The following IRX6 variants were observed in gnomAD, a reference collection of about 807,000 sequenced individuals.
IRX6 encodes iroquois homeobox 6.
IRX6 carries 46 observed loss-of-function variants against 47.7 expected under a neutral mutation model. The ratio of observed to expected loss-of-function variants is 0.96; its 90% CI spans 0.76 to 1.23. The LOEUF is 1.23. Ranked by LOEUF, IRX6 falls within the 50% of genes most tolerant of loss-of-function variation. The pLI, the probability that IRX6 is intolerant of heterozygous loss-of-function variation, is 0.00. For synonymous variants in IRX6, 265 were observed against 246.2 expected, an observed-to-expected ratio of 1.08 and a Z score of -0.72; for missense variants, 722 against 588.0, an observed-to-expected ratio of 1.23 and a Z score of -2.36.
At position 55,325,076 on chromosome 16, in the gene IRX6, G is replaced by C. The variant is rs1300590668; in HGVS notation, c.-16G>C. On this transcript the variant is annotated 5_prime_UTR_variant, in exon 1 of 6. Coordinates refer to ENST00000290552, the MANE Select transcript of IRX6 (RefSeq NM_024335.3). Reference sequence around the variant, plus strand: ...AACTCGACAGGGAAGAGAGAGACGGGCCAGGGACAGCCACCATGTCCTTCC... The same window carrying C: ...AACTCGACAGGGAAGAGAGAGACGGCCCAGGGACAGCCACCATGTCCTTCC... 6.2e-7 allele frequency: 1 copy of C among 1,613,954 alleles called. No homozygotes were observed. Among genetic ancestry groups the C allele is most frequent in the East Asian group, 2.2e-5 (1 of 44,824 alleles).
Position 55,325,090 on chromosome 16 carries a change from C to G in IRX6, c.-2C>G. The G allele has an allele frequency of 6.2e-7, 1 of 1,614,020 alleles. No homozygotes were observed. The highest frequency in any genetic ancestry group is 8.5e-7 in the Non-Finnish European group (1 of 1,179,994). On this transcript the variant is annotated 5_prime_UTR_variant, in exon 1 of 6. Coordinates refer to ENST00000290552, the MANE Select transcript of IRX6 (RefSeq NM_024335.3). The stretch of plus-strand genomic sequence containing the variant: ...GAGAGAGACGGGCCAGGGACAGCCA[C>G]CATGTCCTTCCCACACTTTGGACAC...
Position 55,328,844 on chromosome 16 carries a change from C to T in IRX6, c.866C>T (p.Ala289Val), listed in dbSNP as rs759043443. The stretch of plus-strand genomic sequence containing the variant: ...AGGCTGACGGAGTTCCGAAAGGGCG[C>T]GCAGTCACTGCCTGGGCCGTGCGCT... The part of the protein sequence containing the change: ...GDRLTEFRKG[A>V]QSLPGPCAAA... Residue 289 changes from alanine to valine, a missense_variant, in exon 5 of 6, where the codon GCG (alanine) becomes GTG (valine). Coordinates refer to ENST00000290552, the MANE Select transcript of IRX6 (RefSeq NM_024335.3). 5.0e-6 allele frequency: 8 copies of T among 1,612,768 alleles called. No individual in the cohort carries two copies. In the African/African-American group the frequency reaches 8.0e-5, roughly 16 times the overall value.
chr16:55,325,239 GC>G, intron 1 of IRX6, 103 bp downstream of exon 1: 1 of 1,098,106 alleles, frequency 9.1e-7, no homozygotes, highest in Non-Finnish European at 1.4e-6. Flanking sequence ...TCTGGGGGAA[GC>G]CAGAAGGAGC....
In IRX6 at chr16:55,329,050, G is replaced by C; in HGVS notation, c.1072G>C (p.Ala358Pro). 4.3e-6 allele frequency: 7 copies of C among 1,614,018 alleles called. No individual in the cohort carries two copies. Among genetic ancestry groups the C allele is most frequent in the Non-Finnish European group, 5.9e-6 (7 of 1,180,042 alleles). ...GCGCATCTGGTCTCTGGCGCACACCGCGACAGCCAGCGCTGTTGAAGGTGC... is the reference window on the plus strand; with the variant it reads ...GCGCATCTGGTCTCTGGCGCACACCCCGACAGCCAGCGCTGTTGAAGGTGC... ...KPRIWSLAHT[A>P]TASAVEGAPP... Residue 358 changes from alanine (A) to proline (P), a missense_variant, in exon 5 of 6, where the codon GCG becomes CCG. Ala to Pro is a conservative substitution (Grantham distance 27, BLOSUM62 -1). Coordinates refer to ENST00000290552, the MANE Select transcript of IRX6 (RefSeq NM_024335.3).
chr16:55,325,504 AAG>A (rs1567338478), intron 1 of IRX6, among the ~76,000 whole-genome samples: 6 of 21,698 alleles, frequency 2.8e-4, no homozygotes, highest in Admixed American at 4.3e-4. Context: ...GGAAGGAAGG[AAG>A]GAAGGAAGGA....
chr16:55,327,626 A>AT lies in IRX6; in HGVS notation c.454_455insT (p.Asn152IlefsTer25), dbSNP rs1960556604. The AT allele has an allele frequency of 1.2e-6, 2 of 1,610,248 alleles. No homozygotes were observed. Among genetic ancestry groups the AT allele is most frequent in the Non-Finnish European group, 1.7e-6 (2 of 1,179,006 alleles). On this transcript the variant is annotated frameshift_variant, in exon 4 of 6. Coordinates refer to ENST00000290552, the MANE Select transcript of IRX6 (RefSeq NM_024335.3). LOFTEE classifies it high-confidence loss of function. ...ATTGAGTGGCGCCGGTCGCCGAAAG[A>AT]ACGCGACCCGGGAGACCACCAGTAC...
In IRX6 at chr16:55,330,326, A is replaced by G. The variant is rs771131021; in HGVS notation, c.*21A>G. On this transcript the variant is annotated 3_prime_UTR_variant, in exon 6 of 6. Coordinates refer to ENST00000290552, the MANE Select transcript of IRX6 (RefSeq NM_024335.3). ...GTTAGCGCAATGGCTGCGATTTGCG[A>G]AAGAATCTTGGAAATGGGCCCCACG... The G allele has an allele frequency of 5.6e-6, 9 of 1,613,236 alleles. No homozygotes were observed. Among genetic ancestry groups the G allele is most frequent in the Non-Finnish European group, 7.6e-6 (9 of 1,179,166 alleles).
chr16:55,330,313 G>T lies in IRX6; in HGVS notation c.*8G>T, dbSNP rs1287382614. The T allele has an allele frequency of 6.2e-7, 1 of 1,613,814 alleles. No homozygotes were observed. The highest frequency in any genetic ancestry group is 8.5e-7 in the Non-Finnish European group (1 of 1,179,690). ...CCTCTCTCAGCAGGTTAGCGCAATG[G>T]CTGCGATTTGCGAAAGAATCTTGGA... On this transcript the variant is annotated 3_prime_UTR_variant, in exon 6 of 6. Coordinates refer to ENST00000290552, the MANE Select transcript of IRX6 (RefSeq NM_024335.3).
rs1463005289 is a variant in IRX6 at position 55,329,202 on chromosome 16, A to C, written c.1224A>C (p.Lys408Asn). The change falls in exon 5 of 6, where the codon AAA (lysine) becomes AAC (asparagine). Residue 408 changes from lysine (K) to asparagine (N), a missense_variant. By Grantham distance (94) the Lys-to-Asn change is moderately conservative. Coordinates refer to ENST00000290552, the MANE Select transcript of IRX6 (RefSeq NM_024335.3). ...SACDESSCIPKAFGNPKFALQ... is the reference protein window; with the variant it reads ...SACDESSCIPNAFGNPKFALQ... ...GCGACGAGTCTTCCTGCATACCCAAAGCCTTTGGAAACCCCAAGTTTGCCC... is the reference window on the plus strand; with the variant it reads ...GCGACGAGTCTTCCTGCATACCCAACGCCTTTGGAAACCCCAAGTTTGCCC... 2 of 1,614,034 alleles carry C rather than the reference A, an allele frequency of 1.2e-6. No individual in the cohort carries two copies. The highest frequency in any genetic ancestry group is 3.3e-5 in the Admixed American group (2 of 60,016).
intron 1 of IRX6, among the ~76,000 whole-genome samples, 167 bp from the exon 2 acceptor site, chr16:55,326,169 T>C (rs1429378090): frequency 1.3e-5 from 2 of 151,928 alleles, no homozygotes; most frequent in Non-Finnish European, 2.9e-5. Context: ...CCTAACAGAA[T>C]GCTCAGCCCA....
In IRX6 at chr16:55,326,678, C is replaced by T. The variant is rs555844311; in HGVS notation, c.303+85C>T. ...AAGTCAAGGAAAGACCCACACCTCCCGAGGAAAGGAAATGGTTAGGACTGT... is the reference window on the plus strand; with the variant it reads ...AAGTCAAGGAAAGACCCACACCTCCTGAGGAAAGGAAATGGTTAGGACTGT... On this transcript the variant is annotated intron_variant, in intron 2 of 5. Coordinates refer to ENST00000290552, the MANE Select transcript of IRX6 (RefSeq NM_024335.3). 359 of 1,379,076 alleles carry T rather than the reference C, an allele frequency of 2.6e-4. 8 individuals are homozygous for T. The South Asian group carries it at 4.2e-3, about 16-fold the overall frequency. The allele number at this position is 1,379,076 out of a possible 1,614,324, so 85.4% of individuals were successfully genotyped here.
At position 55,327,860 on chromosome 16, in the gene IRX6, G is replaced by A. The variant is rs760870375; in HGVS notation, c.688G>A (p.Asp230Asn). 2.5e-6 allele frequency: 4 copies of A among 1,610,432 alleles called. No homozygotes were observed. The Admixed American group carries it at 5.0e-5, about 20-fold the overall frequency. The change falls in exon 4 of 6, where the codon GAC (aspartate) becomes AAC (asparagine). Residue 230 changes from aspartate to asparagine, a missense_variant. By Grantham distance (23) the Asp-to-Asn change is conservative (BLOSUM62 1). Coordinates refer to ENST00000290552, the MANE Select transcript of IRX6 (RefSeq NM_024335.3). The part of the protein sequence containing the change: ...EERKAEGGEE[D>N]SLGCLTADTK... The stretch of plus-strand genomic sequence containing the variant: ...GAGGAAGGCAGAGGGAGGAGAGGAG[G>A]ACTCACTAGGCTGCCTAACTGCTGA...
intron 3 of IRX6, 70 bp from the exon 4 acceptor site, chr16:55,327,516 G>A (rs1205514903): frequency 8.2e-6 from 13 of 1,576,296 alleles, no homozygotes; most frequent in African/African-American, 6.8e-5. Flanking sequence ...ACACTTCCAC[G>A]CCACAGACTG....
rs1361286245 is a variant in IRX6, at chr16:55,325,144, G to A, written c.45+8G>A. On this transcript the variant is annotated splice_region_variant and intron_variant, in intron 1 of 5. Coordinates refer to ENST00000290552, the MANE Select transcript of IRX6 (RefSeq NM_024335.3). Reference sequence around the variant, plus strand: ...TACCGCGGCGCTTCCCAGGTAAGAGGCGCCTCTATGGGGGATAGGGGACAG... The same window carrying A: ...TACCGCGGCGCTTCCCAGGTAAGAGACGCCTCTATGGGGGATAGGGGACAG... 2 of 1,613,724 alleles carry A rather than the reference G, an allele frequency of 1.2e-6. No homozygotes were observed. Among genetic ancestry groups the A allele is most frequent in the Admixed American group, 1.7e-5 (1 of 60,024 alleles).
In IRX6 at chr16:55,327,600, A is replaced by G. The variant is rs771655564; in HGVS notation, c.428A>G (p.Glu143Gly). Residue 143 changes from glutamate to glycine, a missense_variant, in exon 4 of 6, where the codon GAA becomes GGA. Physicochemically the swap from Glu to Gly is moderately conservative, Grantham distance 98. Transcript: ENST00000290552. ...QYQYERYGAV[E>G]LSGAGRRKNA... ...CTCCCCCACAGGTATGGCGCAGTGG[A>G]ATTGAGTGGCGCCGGTCGCCGAAAG... The G allele has an allele frequency of 6.2e-7, 1 of 1,604,328 alleles. No homozygotes were observed. Among genetic ancestry groups the G allele is most frequent in the South Asian group, 1.1e-5 (1 of 89,430 alleles).
In IRX6 at chr16:55,328,744, C is replaced by G. The variant is rs1230040203; in HGVS notation, c.766C>G (p.Leu256Val). ...QEARGLRLSD[L>V]EDLEEEEEEE... is the part of the protein sequence containing the mutation. ...GGCCCGGGGGCTCCGGCTGAGTGAC[C>G]TGGAAGACCTGGAGGAAGAGGAGGA... Residue 256 changes from leucine (L) to valine (V), a missense_variant, in exon 5 of 6, where the codon CTG becomes GTG. By Grantham distance (32) the Leu-to-Val change is conservative. Coordinates refer to ENST00000290552, the MANE Select transcript of IRX6 (RefSeq NM_024335.3). The G allele has an allele frequency of 1.2e-6, 2 of 1,613,236 alleles. No homozygotes were observed. The highest frequency in any genetic ancestry group is 1.7e-6 in the Non-Finnish European group (2 of 1,180,014).
chr16:55,326,130 T>G, intron 1 of IRX6: 2 of 319,184 alleles, frequency 6.3e-6, no homozygotes, highest in Non-Finnish European at 1.1e-5. Context: ...TAAGGGCAGT[T>G]TGGTTAATTT....
chr16:55,326,535 A>C lies in IRX6; in HGVS notation c.245A>C (p.Gln82Pro). 6.3e-7 allele frequency: 1 copy of C among 1,595,066 alleles called. No individual in the cohort carries two copies. The highest frequency in any genetic ancestry group is 8.5e-7 in the Non-Finnish European group (1 of 1,170,096). Residue 82 changes from glutamine to proline, a missense_variant, in exon 2 of 6, where the codon CAG (glutamine) becomes CCG (proline). Physicochemically the swap from Gln to Pro is moderately conservative, Grantham distance 76. Coordinates refer to ENST00000290552, the MANE Select transcript of IRX6 (RefSeq NM_024335.3). ...CCCTATGCGGCCGCTGCAGCTGCCC[A>C]GAGCTACCCTGGCTACCTGCCCTAT... is the stretch of plus-strand genomic sequence containing the variant. ...GAPYAAAAAA[Q>P]SYPGYLPYSP...
rs1470424824 is a variant in IRX6 at position 55,328,902 on chromosome 16, G to A, written c.924G>A (p.Glu308=). The A allele has an allele frequency of 2.5e-6, 4 of 1,613,166 alleles. No individual in the cohort carries two copies. Among genetic ancestry groups the A allele is most frequent in the African/African-American group, 1.3e-5 (1 of 75,072 alleles). ...GAGAGGGCCGATTGGAGCGCAGGGA[G>A]TGCGGCCTGGCTGCGCCCCGCTTCT... The part of the protein sequence containing the change: ...AAREGRLERR[E]CGLAAPRFSF... The change falls in exon 5 of 6, where the codon GAG becomes GAA. Residue 308 remains glutamate (E), a synonymous_variant. Transcript: ENST00000290552.
Sources: allele counts gnomAD v4.1 joint callset (sites outside exome capture counted in the v4.1 genomes callset), GRCh38; gene constraint gnomAD v4.1.1; transcripts MANE v1.5; gene names NCBI Gene and HGNC (gene_info 2026-07-23, HGNC 2026-07-21).